Variants in UPF1 observed in about 807,000 individuals in gnomAD.
The protein encoded by UPF1 is UPF1 RNA helicase and ATPase.
Under a neutral mutation model 129.2 loss-of-function variants are expected in UPF1, and 9 were observed. That is an observed-to-expected ratio of 0.07 (90% CI 0.04 to 0.12). The LOEUF (loss-of-function observed/expected upper bound fraction) is 0.12, where lower values mean the gene tolerates loss of function less well. Ranked by LOEUF, UPF1 falls within the 10% of genes least tolerant of loss-of-function variation. UPF1 has a pLI of 1.00. For synonymous variants in UPF1, 649 were observed against 644.9 expected, an observed-to-expected ratio of 1.01 and a Z score of -0.10; for missense variants, 788 against 1,525.3, an observed-to-expected ratio of 0.52 and a Z score of 8.05.
chr19:18,840,351 C>G (rs1277994649), intron 1 of UPF1, among the ~76,000 whole-genome samples: 1 of 152,194 alleles, frequency 6.6e-6, no homozygotes, highest in Non-Finnish European at 1.5e-5. Flanking sequence ...CAGCTCCTGC[C>G]TGTGGTCTCA....
chr19:18,840,220 GTGTGTGTACA>G (rs1335664161), intron 1 of UPF1, among the ~76,000 whole-genome samples: 2 of 152,160 alleles, frequency 1.3e-5, no homozygotes, highest in African/African-American at 4.8e-5. Flanking sequence ...GATCAGGGCT[GTGTGTGTACA>G]TGTGTGTATG....
chr19:18,866,941 A>AG lies in UPF1; in HGVS notation c.*425dup, dbSNP rs917141090. ...GCCCGAGCAGGCTCCTTGCAAAGAC[A>AG]GCAGCGTGCGGGGCAGAGCCCCGGG... On this transcript the variant is annotated 3_prime_UTR_variant, in exon 24 of 24. Transcript: ENST00000262803. 1.3e-5 allele frequency: 2 copies of AG among 152,592 alleles called. No homozygotes were observed. The highest frequency in any genetic ancestry group is 2.9e-5 in the Non-Finnish European group (2 of 68,052). The allele number at this position is 152,592 out of a possible 1,614,324, so 9.5% of individuals were successfully genotyped here.
In UPF1 at chr19:18,850,893, C is replaced by A; in HGVS notation, c.810+25C>A. On this transcript the variant is annotated intron_variant, in intron 5 of 23. Transcript: ENST00000262803. The surrounding 1 kb of genome is among the most constrained non-coding windows in gnomAD (Gnocchi z 7.1). The stretch of plus-strand genomic sequence containing the variant: ...GGTGGGGCTGCCCAGCGGGCCGACC[C>A]GTGCCTTCGTGTGGTTTCTGGTTGC... 6 of 1,519,464 alleles carry A rather than the reference C, an allele frequency of 3.9e-6. No individual in the cohort carries two copies. The highest frequency in any genetic ancestry group is 5.3e-6 in the Non-Finnish European group (6 of 1,129,100). 94.1% of individuals were successfully genotyped at this position (1,519,464 alleles called of 1,614,324 possible).
chr19:18,852,446 G>A, intron 6 of UPF1, 150 bp downstream of exon 6: 2 of 1,177,976 alleles, frequency 1.7e-6, no homozygotes, highest in Non-Finnish European at 2.3e-6. Flanking sequence ...GCGGATCCGG[G>A]CCTGGCAGCC....
chr19:18,851,336 C>T lies in UPF1; in HGVS notation c.810+468C>T, dbSNP rs1433679009. On this transcript the variant is annotated intron_variant, in intron 5 of 23. Coordinates refer to ENST00000262803, the MANE Select transcript of UPF1 (RefSeq NM_002911.4). This position sits in a 1 kb window ranked among gnomAD's most constrained non-coding sequence, Gnocchi z 4.2. Reference sequence around the variant, plus strand: ...TGCCTGGCCCTCCTTCCACAGACAGCCCTCACTTTTCCCCACGGAAGCCTT... The same window carrying T: ...TGCCTGGCCCTCCTTCCACAGACAGTCCTCACTTTTCCCCACGGAAGCCTT... Among the ~76,000 whole-genome samples, 1 of 152,196 alleles carries T rather than the reference C, an allele frequency of 6.6e-6. No individual in the cohort carries two copies. Among genetic ancestry groups the T allele is most frequent in the African/African-American group, 2.4e-5 (1 of 41,450 alleles).
intron 20 of UPF1, among the ~76,000 whole-genome samples, chr19:18,864,733 G>GTTT (rs10682791): frequency 0.18 from 12,957 of 73,032 alleles, 909 homozygotes; most frequent in Middle Eastern, 0.23. Flanking sequence ...ATTTGCAGGT[G>GTTT]TTTTTTTTTT....
In UPF1 at chr19:18,850,381, G is replaced by C; in HGVS notation, c.629+139G>C. The C allele has an allele frequency of 7.9e-7, 1 of 1,268,486 alleles. No individual in the cohort carries two copies. The highest frequency in any genetic ancestry group is 1.5e-5 in the African/African-American group (1 of 66,526). The allele number at this position is 1,268,486 out of a possible 1,614,324, so 78.6% of individuals were successfully genotyped here. A position where few individuals can be genotyped will look rare whatever the true frequency, so the allele number is the denominator to read the frequency against. ...AAAGATGGTTTTTGCTGAAGGGTGA[G>C]GCATGAGAGCGTTTAGGCGCTGAGG... On this transcript the variant is annotated intron_variant, in intron 4 of 23. Coordinates refer to ENST00000262803, the MANE Select transcript of UPF1 (RefSeq NM_002911.4). The surrounding 1 kb of genome is among the most constrained non-coding windows in gnomAD (Gnocchi z 7.1).
chr19:18,861,239 A>G (rs1220754345), intron 17 of UPF1, among the ~76,000 whole-genome samples: 1 of 152,248 alleles, frequency 6.6e-6, no homozygotes, highest in African/African-American at 2.4e-5. Flanking sequence ...TGGCACATCA[A>G]GGTGTTTTCT....
In UPF1 at chr19:18,866,991, G is replaced by C. The variant is rs2055856145; in HGVS notation, c.*474G>C. On this transcript the variant is annotated 3_prime_UTR_variant, in exon 24 of 24. Coordinates refer to ENST00000262803, the MANE Select transcript of UPF1 (RefSeq NM_002911.4). ...GAGGGCGCGTCTGTCCACGCCTACC[G>C]GACGCGCCGAGGTCGCGCTGCCTGT... 6.6e-6 allele frequency: 1 copy of C among 152,646 alleles called. No individual in the cohort carries two copies. 9.5% of individuals were successfully genotyped at this position (152,646 alleles called of 1,614,324 possible).
At chr19:18,855,872 C>G (rs1469594898) in intron 11 of UPF1, 53 bp from the exon 12 acceptor site, 2 of 1,594,034 alleles carry the variant, frequency 1.3e-6, no homozygotes, top group Non-Finnish European at 1.7e-6. Context: ...TGGCTTACTA[C>G]GTTCACCGAG....
chr19:18,864,085 C>G (rs1055459004), intron 19 of UPF1, 85 bp from the exon 20 acceptor site: 1 of 1,224,996 alleles, frequency 8.2e-7, no homozygotes. Context: ...AGCTGCATAC[C>G]TGCCACCTCC....
At position 18,835,229 on chromosome 19, in the gene UPF1, C is replaced by T. The variant is rs150153561; in HGVS notation, c.231+2789C>T. ...TTTGTGTCTGGCTCCTTTCACTCTG[C>T]GTGATGTGTGAGAAGTAGCTACAAG... On this transcript the variant is annotated intron_variant, in intron 1 of 23. Coordinates refer to ENST00000262803, the MANE Select transcript of UPF1 (RefSeq NM_002911.4). Among the ~76,000 whole-genome samples the T allele has an allele frequency of 2.9e-3, 445 of 152,220 alleles. 5 individuals are homozygous for T. The highest frequency in any genetic ancestry group is 3.9e-3 in the Non-Finnish European group (268 of 68,018).
rs375912423 is a variant in UPF1 at position 18,852,152 on chromosome 19, G to T, written c.828G>T (p.Thr276=). ...TCTTCTAGGAAAACCCTTCTGCCAC[G>T]CTGGAGGACCTGGAGAAGCCGGGGG... ...EELWKENPSA[T]LEDLEKPGVD... Residue 276 remains threonine, a synonymous_variant, in exon 6 of 24, where the codon ACG becomes ACT. Coordinates refer to ENST00000262803, the MANE Select transcript of UPF1 (RefSeq NM_002911.4). 5 of 1,608,484 alleles carry T rather than the reference G, an allele frequency of 3.1e-6. No individual in the cohort carries two copies. Among genetic ancestry groups the T allele is most frequent in the African/African-American group, 2.7e-5 (2 of 74,604 alleles).
At chr19:18,837,017 G>T (rs2055490883) in intron 1 of UPF1, among the ~76,000 whole-genome samples, 1 of 151,990 alleles carries the variant, frequency 6.6e-6, no homozygotes, top group Admixed American at 6.6e-5. Context: ...CTCCTAAAGT[G>T]CTGGGATTAC....
chr19:18,861,033 T>C, intron 17 of UPF1, 51 bp downstream of exon 17: 1 of 1,512,610 alleles, frequency 6.6e-7, no homozygotes, highest in Non-Finnish European at 8.9e-7. Context: ...GCAAGGGTAT[T>C]GACCCTTGAC....
rs1045904669 is a variant in UPF1, at chr19:18,857,371, A to G, written c.2020A>G (p.Lys674Glu). The G allele has an allele frequency of 6.2e-7, 1 of 1,613,276 alleles. No homozygotes were observed. Among genetic ancestry groups the G allele is most frequent in the African/African-American group, 1.3e-5 (1 of 74,946 alleles). ...GCTGGGCCCAGTGGTGATGTGCAAG[A>G]AGGCGGCCAAGGCCGGGCTGTCACA... Reference protein sequence around the residue: ...CQLGPVVMCKKAAKAGLSQSL... With the variant: ...CQLGPVVMCKEAAKAGLSQSL... The change falls in exon 15 of 24, where the codon AAG becomes GAG. Residue 674 changes from lysine to glutamate, a missense_variant. Physicochemically the swap from Lys to Glu is moderately conservative, Grantham distance 56. Coordinates refer to ENST00000262803, the MANE Select transcript of UPF1 (RefSeq NM_002911.4).
In UPF1 at chr19:18,868,208, A is replaced by G; in HGVS notation, c.*1691A>G. The G allele has an allele frequency of 4.0e-6, 1 of 249,768 alleles. No individual in the cohort carries two copies. The highest frequency in any genetic ancestry group is 7.9e-6 in the Non-Finnish European group (1 of 125,872). The allele number at this position is 249,768 out of a possible 1,614,324, so 15.5% of individuals were successfully genotyped here. A position where few individuals can be genotyped will look rare whatever the true frequency, so the allele number is the denominator to read the frequency against. On this transcript the variant is annotated 3_prime_UTR_variant, in exon 24 of 24. Transcript: ENST00000262803. ...AATTTAAGTTCTTTTGTCACCAAAT[A>G]TTAATAAACAGTTTTGACTTCACAC...
At position 18,832,083 on chromosome 19, in the gene UPF1, G is replaced by C. The variant is rs1238817454; in HGVS notation, c.-127G>C. The C allele has an allele frequency of 2.1e-6, 2 of 939,424 alleles. No homozygotes were observed. The highest frequency in any genetic ancestry group is 2.8e-6 in the Non-Finnish European group (2 of 706,604). The allele number at this position is 939,424 out of a possible 1,614,324, so 58.2% of individuals were successfully genotyped here. On this transcript the variant is annotated 5_prime_UTR_variant, in exon 1 of 24. Coordinates refer to ENST00000262803, the MANE Select transcript of UPF1 (RefSeq NM_002911.4). The surrounding 1 kb of genome is among the most constrained non-coding windows in gnomAD (Gnocchi z 5.6). Reference sequence around the variant, plus strand: ...GGTCCGGCTGGCGCCGGGGCGCGCGGTTTGGTCCTTTCCGGGCGCGCGGGG... The same window carrying C: ...GGTCCGGCTGGCGCCGGGGCGCGCGCTTTGGTCCTTTCCGGGCGCGCGGGG...
At position 18,850,319 on chromosome 19, in the gene UPF1, G is replaced by A; in HGVS notation, c.629+77G>A. ...TCCTCACAAGCCTTGGCCCAGCCCA[G>A]CCCAGCCGTGGCTCTAACTCCAGGG... On this transcript the variant is annotated intron_variant, in intron 4 of 23. Transcript: ENST00000262803. This position sits in a 1 kb window ranked among gnomAD's most constrained non-coding sequence, Gnocchi z 7.1. The A allele has an allele frequency of 1.3e-6, 2 of 1,500,372 alleles. No individual in the cohort carries two copies. Among genetic ancestry groups the A allele is most frequent in the Non-Finnish European group, 1.8e-6 (2 of 1,125,854 alleles). 92.9% of individuals were successfully genotyped at this position (1,500,372 alleles called of 1,614,324 possible).
Sources: gnomAD v4.1 joint callset for allele counts (sites outside exome capture counted in the v4.1 genomes callset) on GRCh38, gnomAD v4.1.1 for gene constraint, Gnocchi (gnomAD v3.1) non-coding constraint, MANE v1.5 for transcripts, NCBI Gene and HGNC (gene_info 2026-07-23, HGNC 2026-07-21) for gene names.